Variants in SIAE observed in about 807,000 individuals in gnomAD.
SIAE encodes sialic acid acetylesterase.
SIAE carries 39 observed loss-of-function variants against 52.6 expected under a neutral mutation model. The ratio of observed to expected loss-of-function variants is 0.74; its 90% CI spans 0.57 to 0.97. SIAE has a LOEUF of 0.97. Among genes scored for constraint, SIAE ranks in the 50% least tolerant of loss-of-function variants. SIAE has a pLI of 0.00. For synonymous variants in SIAE, 233 were observed against 241.4 expected, an observed-to-expected ratio of 0.97 and a Z score of 0.32; for missense variants, 592 against 662.1, an observed-to-expected ratio of 0.89 and a Z score of 1.16.
intron 7 of SIAE, among the ~76,000 whole-genome samples, chr11:124,646,194 C>T (rs1361817286): frequency 1.3e-5 from 2 of 152,208 alleles, no homozygotes; most frequent in Non-Finnish European, 2.9e-5. Context: ...TCTTTTTATG[C>T]AAGGCTGAAA....
In SIAE at chr11:124,673,687, G is replaced by C; in HGVS notation, c.22C>G (p.Leu8Val). Reference protein sequence around the residue: MVAPGLVLGLVLPLILWA... With the variant: MVAPGLVVGLVLPLILWA... ...AGGATTAATGGCAGCACCAGCCCGA[G>C]TACAAGCCCCGGCGCGACCATGCTT... The change falls in exon 1 of 10, where the codon CTC (leucine) becomes GTC (valine). Residue 8 changes from leucine (L) to valine (V), a missense_variant. Coordinates refer to ENST00000263593, the MANE Select transcript of SIAE (RefSeq NM_170601.5). The C allele has an allele frequency of 6.2e-7, 1 of 1,613,656 alleles. No individual in the cohort carries two copies. The highest frequency in any genetic ancestry group is 8.5e-7 in the Non-Finnish European group (1 of 1,179,808).
At chr11:124,675,450 A>G, upstream of SIAE, 1 of 1,599,552 alleles carries the variant, frequency 6.3e-7, no homozygotes, top group Admixed American at 1.8e-5. Flanking sequence ...ATTTTTTAAA[A>G]TAAGAAACTA....
intron 7 of SIAE, among the ~76,000 whole-genome samples, chr11:124,646,178 G>A (rs1942930334): frequency 6.6e-6 from 1 of 152,230 alleles, no homozygotes; most frequent in Admixed American, 6.5e-5. Context: ...GGTCAAATAT[G>A]TTTATTCTTT....
upstream of SIAE, chr11:124,673,744 A>C (rs555947628): frequency 9.3e-5 from 150 of 1,608,386 alleles, no homozygotes; most frequent in Middle Eastern, 1.7e-4. Context: ...AGGACTGGGA[A>C]AGTGGGTTCC....
chr11:124,639,338 C>T (rs948128536), intron 8 of SIAE, among the ~76,000 whole-genome samples: 15 of 152,174 alleles, frequency 9.9e-5, no homozygotes, highest in African/African-American at 2.2e-4. Context: ...AGCCTTATGA[C>T]TTGGTTTGGC....
rs781152205 is a variant in SIAE at position 124,638,676 on chromosome 11, C to G, written c.1186G>C (p.Ala396Pro). 6.2e-7 allele frequency: 1 copy of G among 1,614,142 alleles called. No individual in the cohort carries two copies. The highest frequency in any genetic ancestry group is 8.5e-7 in the Non-Finnish European group (1 of 1,180,028). ...YRLHLGARAL[A>P]YGEKNLTFEG... ...AAGGTCAAATTCTTCTCACCATAAG[C>G]CAGAGCACGGGCCCCCAAATGCAGC... The change falls in exon 9 of 10, where the codon GCT becomes CCT. Residue 396 changes from alanine to proline, a missense_variant. Physicochemically the swap from Ala to Pro is conservative, Grantham distance 27. Transcript: ENST00000263593.
intron 4 of SIAE, chr11:124,654,285 C>G (rs1009226266): frequency 1.0e-6 from 1 of 985,362 alleles, no homozygotes; most frequent in Non-Finnish European, 1.2e-6. Context: ...AAGGAGAACC[C>G]AAATCAGAGT....
rs755449872 is a variant in SIAE, at chr11:124,637,128, G to C, written c.1395C>G (p.Thr465=). The change falls in exon 10 of 10, where the codon ACC becomes ACG. Residue 465 remains threonine, a synonymous_variant. Transcript: ENST00000263593. ...TGCCATGACAAGAATCGATCGCCAGGGTCAGGGACTGGGTGGAGACGGTGT... is the reference window on the plus strand; with the variant it reads ...TGCCATGACAAGAATCGATCGCCAGCGTCAGGGACTGGGTGGAGACGGTGT... The part of the protein sequence containing the change: ...SMNTVSTQSL[T]LAIDSCHGTV... The C allele has an allele frequency of 2.5e-6, 4 of 1,614,166 alleles. No individual in the cohort carries two copies. The highest frequency in any genetic ancestry group is 1.1e-5 in the South Asian group (1 of 91,086).
Position 124,654,786 on chromosome 11 carries a change from T to C in SIAE, c.413A>G (p.Asn138Ser). Residue 138 changes from asparagine (N) to serine (S), a missense_variant, in exon 4 of 10, where the codon AAT (asparagine) becomes AGT (serine). Asn to Ser is a conservative substitution (Grantham distance 46). Transcript: ENST00000263593. ...NMQMTVLQIF[N>S]ATRELSNTAA... ...AGTGTTAGACAACTCCCTTGTAGCATTAAATATCTGGAAAAGAAATTGAAA... is the reference window on the plus strand; with the variant it reads ...AGTGTTAGACAACTCCCTTGTAGCACTAAATATCTGGAAAAGAAATTGAAA... 3.7e-6 allele frequency: 6 copies of C among 1,613,618 alleles called. No homozygotes were observed. The highest frequency in any genetic ancestry group is 2.2e-5 in the East Asian group (1 of 44,872).
rs935299285 is a variant in SIAE at position 124,645,067 on chromosome 11, C to T, written c.966+2298G>A. 6.6e-6 allele frequency among the ~76,000 whole-genome samples: 1 copy of T among 152,118 alleles called. No homozygotes were observed. Among genetic ancestry groups the T allele is most frequent in the Admixed American group, 6.5e-5 (1 of 15,268 alleles). ...ATAACAAAGAGTTCAGTATCGTGTT[C>T]GAAATCACGTGGCTCAGGAGGTGTC... On this transcript the variant is annotated intron_variant, in intron 7 of 9. Coordinates refer to ENST00000263593, the MANE Select transcript of SIAE (RefSeq NM_170601.5). This position sits in a 1 kb window ranked among gnomAD's most constrained non-coding sequence, Gnocchi z 4.7.
chr11:124,653,558 G>C (rs1252591947), intron 4 of SIAE, among the ~76,000 whole-genome samples: 1 of 152,120 alleles, frequency 6.6e-6, no homozygotes, highest in Non-Finnish European at 1.5e-5. Context: ...AAGGTCTCTA[G>C]GTTTATCATT....
chr11:124,638,559 C>T lies in SIAE; in HGVS notation c.1303G>A (p.Asp435Asn). 1 of 1,614,156 alleles carries T rather than the reference C, an allele frequency of 6.2e-7. No homozygotes were observed. The change falls in exon 9 of 10, where the codon GAC (aspartate) becomes AAC (asparagine). Residue 435 changes from aspartate (D) to asparagine (N), a missense_variant. Coordinates refer to ENST00000263593, the MANE Select transcript of SIAE (RefSeq NM_170601.5). ...YYQQIQVQKK[D>N]NKIFEISCCS... ...CTTCTCACCTCAAATATCTTGTTGTCCTTTTTCTGCACCTGGATTTGCTGG... is the reference window on the plus strand; with the variant it reads ...CTTCTCACCTCAAATATCTTGTTGTTCTTTTTCTGCACCTGGATTTGCTGG...
At chr11:124,665,325 G>C (rs79572671) in intron 2 of SIAE, among the ~76,000 whole-genome samples, 1 of 152,220 alleles carries the variant, frequency 6.6e-6, no homozygotes, top group Non-Finnish European at 1.5e-5. Context: ...TAAAAATTGA[G>C]ATTTTCCTGG....
upstream of SIAE, chr11:124,675,206 T>C: frequency 6.4e-7 from 1 of 1,552,354 alleles, no homozygotes; most frequent in Non-Finnish European, 8.7e-7. Flanking sequence ...ATCAGACAAA[T>C]TTAAAGACAG....
chr11:124,639,100 C>T (rs986530577), intron 8 of SIAE, among the ~76,000 whole-genome samples: 2 of 152,180 alleles, frequency 1.3e-5, no homozygotes, highest in African/African-American at 4.8e-5. Context: ...TCAGCTGATT[C>T]ATTATTTGGT....
chr11:124,664,308 T>C (rs1329330531), intron 2 of SIAE, among the ~76,000 whole-genome samples: 2 of 151,906 alleles, frequency 1.3e-5, no homozygotes, highest in Non-Finnish European at 2.9e-5. Context: ...CTTGGCTCAC[T>C]GCAACCTCTG....
At chr11:124,672,461 T>C (rs1943379267) in intron 1 of SIAE, among the ~76,000 whole-genome samples, 1 of 152,086 alleles carries the variant, frequency 6.6e-6, no homozygotes, top group South Asian at 2.1e-4. Context: ...ATGGTAAACA[T>C]GGGCACAGGG....
chr11:124,653,432 G>A (rs1373476704), intron 4 of SIAE, among the ~76,000 whole-genome samples: 1 of 152,132 alleles, frequency 6.6e-6, no homozygotes, highest in Admixed American at 6.5e-5. Context: ...GAATGAAGAA[G>A]CAAAGAAAAA....
At chr11:124,664,169 A>C (rs548738492) in intron 2 of SIAE, among the ~76,000 whole-genome samples, 1 of 152,232 alleles carries the variant, frequency 6.6e-6, no homozygotes, top group African/African-American at 2.4e-5. Flanking sequence ...CACTGACAAG[A>C]GAGCCATGCA....
Sources: allele counts gnomAD v4.1 joint callset (sites outside exome capture counted in the v4.1 genomes callset), GRCh38; gene constraint gnomAD v4.1.1; non-coding constraint Gnocchi (gnomAD v3.1); transcripts MANE v1.5; gene names NCBI Gene and HGNC (gene_info 2026-07-23, HGNC 2026-07-21).